Variants in FOXP2 observed in about 807,000 individuals in gnomAD.
FOXP2 encodes forkhead box P2.
In FOXP2, 12 loss-of-function variants were observed where a neutral mutation model predicts 115.8. That is an observed-to-expected ratio of 0.10 (90% CI 0.07 to 0.17). The LOEUF (loss-of-function observed/expected upper bound fraction) is 0.17. FOXP2 is among the 10% of genes least tolerant of loss of function. FOXP2 has a pLI of 1.00. For missense variants in FOXP2, 629 were observed against 843.5 expected (o/e 0.75, Z 3.15); for synonymous variants, 328 against 297.7 (o/e 1.10, Z -1.05).
intron 6 of FOXP2, among the ~76,000 whole-genome samples, chr7:114,634,706 T>A (rs1317565046): frequency 1.3e-5 from 2 of 152,054 alleles, no homozygotes; most frequent in Non-Finnish European, 2.9e-5. Context: ...AATATACTGA[T>A]TATAAATCTA....
chr7:114,135,171 T>G (rs1214700690), intron 1 of FOXP2, among the ~76,000 whole-genome samples: 1 of 152,192 alleles, frequency 6.6e-6, no homozygotes, highest in Non-Finnish European at 1.5e-5. Flanking sequence ...GAAACATATT[T>G]TACTGGTTTT....
chr7:114,401,773 T>G (rs1157290637), intron 2 of FOXP2, among the ~76,000 whole-genome samples: 2 of 152,178 alleles, frequency 1.3e-5, no homozygotes, highest in Non-Finnish European at 2.9e-5. Context: ...TATAGTATTT[T>G]TAAAGAATAT....
intron 3 of FOXP2, among the ~76,000 whole-genome samples, chr7:114,547,401 A>T (rs1480009417): frequency 6.6e-6 from 1 of 152,164 alleles, no homozygotes; most frequent in African/African-American, 2.4e-5. Flanking sequence ...GCCACTACGT[A>T]TCAATGATAC....
intron 6 of FOXP2, among the ~76,000 whole-genome samples, chr7:114,634,377 T>G (rs1176891371): frequency 6.6e-6 from 1 of 152,102 alleles, no homozygotes; most frequent in Non-Finnish European, 1.5e-5. Flanking sequence ...CTTCTTAAAT[T>G]ATATTAAAAT....
chr7:114,174,953 T>G (rs1321347581), intron 1 of FOXP2, among the ~76,000 whole-genome samples: 2 of 152,114 alleles, frequency 1.3e-5, no homozygotes, highest in African/African-American at 4.8e-5. Context: ...CCTAAATATC[T>G]TATCTGAATT....
intron 3 of FOXP2, among the ~76,000 whole-genome samples, chr7:114,612,638 A>G (rs1434240710): frequency 6.6e-6 from 1 of 152,164 alleles, no homozygotes; most frequent in African/African-American, 2.4e-5. Flanking sequence ...ACTAAGTGAC[A>G]GAATACAGGG....
intron 2 of FOXP2, among the ~76,000 whole-genome samples, chr7:114,531,699 A>G (rs1799150847): frequency 1.3e-5 from 2 of 151,962 alleles, no homozygotes; most frequent in Admixed American, 6.6e-5. Flanking sequence ...GTATTAAAAG[A>G]TGATCCTCAG....
At chr7:114,640,231 G>C (rs1805449310) in intron 6 of FOXP2, among the ~76,000 whole-genome samples, 1 of 152,128 alleles carries the variant, frequency 6.6e-6, no homozygotes, top group Non-Finnish European at 1.5e-5. Flanking sequence ...CTAGGTTAAA[G>C]CAATAATTAT....
At chr7:114,342,112 G>A (rs966989838) in intron 2 of FOXP2, among the ~76,000 whole-genome samples, 13 of 151,330 alleles carry the variant, frequency 8.6e-5, no homozygotes, top group African/African-American at 3.1e-4. Flanking sequence ...AGTTTTTTAA[G>A]GTGTTATTGC....
chr7:114,174,796 A>T (rs951308066), intron 1 of FOXP2, among the ~76,000 whole-genome samples: 2 of 152,098 alleles, frequency 1.3e-5, no homozygotes, highest in African/African-American at 2.4e-5. Flanking sequence ...GTACAGCTGA[A>T]TGTGTTCATA....
rs1399932837 is a variant in FOXP2, at chr7:114,306,651, T to C, written c.-11+18542T>C. Reference sequence around the variant, plus strand: ...TAATAAATTACTGCAAACTCAGTGATTTAAGACAACATAAACTTATTATCT... The same window carrying C: ...TAATAAATTACTGCAAACTCAGTGACTTAAGACAACATAAACTTATTATCT... On this transcript the variant is annotated intron_variant, in intron 2 of 17. Coordinates refer to the FOXP2 transcript ENST00000634411. 2.0e-5 allele frequency among the ~76,000 whole-genome samples: 3 copies of C among 151,858 alleles called. No homozygotes were observed. The East Asian group carries it at 5.8e-4, about 29-fold the overall frequency.
At chr7:114,630,094 C>A (rs1233073439) in intron 5 of FOXP2, 89 bp downstream of exon 5, 1 of 1,596,378 alleles carries the variant, frequency 6.3e-7, no homozygotes, top group Non-Finnish European at 8.5e-7. Context: ...CTTCCTATAA[C>A]AAGGCTCTTG....
chr7:114,471,914 T>A (rs1216885280), intron 2 of FOXP2, among the ~76,000 whole-genome samples: 1 of 150,898 alleles, frequency 6.6e-6, no homozygotes, highest in Non-Finnish European at 1.5e-5. Flanking sequence ...GAGCTGAGAT[T>A]GCACTGCTGC....
chr7:114,519,516 A>T (rs1798508363), intron 2 of FOXP2, among the ~76,000 whole-genome samples: 1 of 152,196 alleles, frequency 6.6e-6, no homozygotes, highest in Non-Finnish European at 1.5e-5. Flanking sequence ...AGCATGTCTT[A>T]GGATTCAGTG....
chr7:114,128,829 A>C (rs1208626994), intron 1 of FOXP2, among the ~76,000 whole-genome samples: 1 of 152,156 alleles, frequency 6.6e-6, no homozygotes, highest in Non-Finnish European at 1.5e-5. Flanking sequence ...CTTCTGGGGA[A>C]ACCAGAATTT....
At chr7:114,181,058 C>T (rs942242295) in intron 1 of FOXP2, among the ~76,000 whole-genome samples, 1 of 151,810 alleles carries the variant, frequency 6.6e-6, no homozygotes, top group Non-Finnish European at 1.5e-5. Flanking sequence ...TCATTTTTCT[C>T]TACTCAGCAT....
chr7:114,158,618 T>C (rs1278212875), upstream of FOXP2, among the ~76,000 whole-genome samples: 1 of 152,136 alleles, frequency 6.6e-6, no homozygotes, highest in African/African-American at 2.4e-5. Flanking sequence ...TTTTTGTCTT[T>C]AGGTATTTTA....
chr7:114,494,772 G>A (rs895713570), intron 2 of FOXP2, among the ~76,000 whole-genome samples: 1 of 152,018 alleles, frequency 6.6e-6, no homozygotes, highest in African/African-American at 2.4e-5. Context: ...TCATGCCACT[G>A]AAATTTATAT....
chr7:114,513,529 A>C (rs1201139384), intron 2 of FOXP2, among the ~76,000 whole-genome samples: 1 of 152,168 alleles, frequency 6.6e-6, no homozygotes, highest in Non-Finnish European at 1.5e-5. Flanking sequence ...TTCTGTCTTT[A>C]TAACATAGCC....
Sources: gnomAD v4.1 joint callset for allele counts (sites outside exome capture counted in the v4.1 genomes callset) on GRCh38, gnomAD v4.1.1 for gene constraint, MANE v1.5 for transcripts, NCBI Gene and HGNC (gene_info 2026-07-23, HGNC 2026-07-21) for gene names.